Variants in ARID4B observed in about 807,000 individuals in gnomAD.
The protein encoded by ARID4B is AT-rich interaction domain 4B.
In ARID4B, 26 loss-of-function variants were observed where a neutral mutation model predicts 147.5. The observed-to-expected ratio is 0.18, with a 90% CI of 0.13 to 0.24. ARID4B has a LOEUF of 0.24. Ranked by LOEUF, ARID4B falls within the 10% of genes least tolerant of loss-of-function variation. ARID4B has a pLI of 1.00. For missense variants in ARID4B, 1,179 were observed against 1,511.5 expected, an observed-to-expected ratio of 0.78 and a Z score of 3.65; for synonymous variants, 512 against 507.9, an observed-to-expected ratio of 1.01 and a Z score of -0.11.
chr1:235,319,173 T>C (rs1261215183), intron 2 of ARID4B, among the ~76,000 whole-genome samples: 1 of 152,098 alleles, frequency 6.6e-6, no homozygotes, highest in Non-Finnish European at 1.5e-5. Flanking sequence ...AAGATAGTAG[T>C]GATGGATGCA....
intron 4 of ARID4B, among the ~76,000 whole-genome samples, chr1:235,256,283 A>G (rs1269966743): frequency 6.6e-6 from 1 of 152,114 alleles, no homozygotes; most frequent in East Asian, 1.9e-4. Flanking sequence ...ACTATTATAA[A>G]GTTTTACCCT....
chr1:235,305,564 T>A (rs1673483269), intron 2 of ARID4B, among the ~76,000 whole-genome samples: 1 of 152,236 alleles, frequency 6.6e-6, no homozygotes, highest in African/African-American at 2.4e-5. Context: ...ACTAGTGGCA[T>A]GACCTTAGTT....
chr1:235,209,904 C>T (rs1233034166), intron 17 of ARID4B, among the ~76,000 whole-genome samples: 1 of 152,074 alleles, frequency 6.6e-6, no homozygotes, highest in Non-Finnish European at 1.5e-5. Flanking sequence ...GACACTCTTA[C>T]ATTATTTGAG....
At chr1:235,173,795 T>C (rs1444361789) in intron 22 of ARID4B, among the ~76,000 whole-genome samples, 2 of 72,720 alleles carry the variant, frequency 2.8e-5, no homozygotes, top group South Asian at 5.9e-4. Context: ...TATATATATA[T>C]ATATATATAT....
chr1:235,241,837 A>G (rs1041100454), intron 7 of ARID4B, among the ~76,000 whole-genome samples: 1 of 152,106 alleles, frequency 6.6e-6, no homozygotes, highest in Admixed American at 6.5e-5. Context: ...AACTATTATA[A>G]TAATATTAAG....
chr1:235,220,046 A>T, intron 15 of ARID4B, 78 bp from the exon 16 acceptor site: 2 of 957,712 alleles, frequency 2.1e-6, no homozygotes, highest in Non-Finnish European at 2.9e-6. Flanking sequence ...TCTTAGCAAC[A>T]GGAGGTATCA....
intron 2 of ARID4B, among the ~76,000 whole-genome samples, chr1:235,292,507 T>A (rs1464076710): frequency 6.6e-6 from 1 of 151,858 alleles, no homozygotes; most frequent in African/African-American, 2.4e-5. Flanking sequence ...TCCCAGCTAC[T>A]TGGGAGGCTG....
At chr1:235,316,015 ATAAAT>A (rs142128565) in intron 2 of ARID4B, among the ~76,000 whole-genome samples, 16 of 151,606 alleles carry the variant, frequency 1.1e-4, no homozygotes, top group African/African-American at 3.2e-4. Context: ...CTCTGATCTC[ATAAAT>A]TAAATTAAAT....
At chr1:235,294,130 A>G (rs537906672) in intron 2 of ARID4B, among the ~76,000 whole-genome samples, 1 of 152,176 alleles carries the variant, frequency 6.6e-6, no homozygotes, top group South Asian at 2.1e-4. Context: ...ATAAACAAGA[A>G]CTATTTACTG....
At chr1:235,187,513 C>A (rs759057501) in intron 19 of ARID4B, among the ~76,000 whole-genome samples, 12 of 152,090 alleles carry the variant, frequency 7.9e-5, no homozygotes, top group Non-Finnish European at 1.6e-4. Flanking sequence ...TGATTCATCC[C>A]GGATCTAGTT....
rs570936049 is a variant in ARID4B at position 235,200,433 on chromosome 1, C to A, written c.1842-4318G>T. On this transcript the variant is annotated intron_variant, in intron 17 of 23. Coordinates refer to ENST00000264183, the MANE Select transcript of ARID4B (RefSeq NM_016374.6). The stretch of plus-strand genomic sequence containing the variant: ...GAGATCGCATGCCACGGTACCCTAG[C>A]CTGGGTGACAGAGCAAGACTCATCT... Among the ~76,000 whole-genome samples, 15 of 152,168 alleles carry A rather than the reference C, an allele frequency of 9.9e-5. No homozygotes were observed. The East Asian group carries it at 2.9e-3, about 29-fold the overall frequency.
chr1:235,201,328 TTC>T (rs1331568025), intron 17 of ARID4B, among the ~76,000 whole-genome samples: 4 of 151,972 alleles, frequency 2.6e-5, no homozygotes, highest in Non-Finnish European at 5.9e-5. Flanking sequence ...TACGAGAATC[TTC>T]TTTTTTTTTT....
chr1:235,267,041 C>T (rs1670650029), intron 2 of ARID4B, among the ~76,000 whole-genome samples: 1 of 152,134 alleles, frequency 6.6e-6, no homozygotes, highest in Non-Finnish European at 1.5e-5. Context: ...ACTTTGGGAG[C>T]CCGAGGTGTG....
chr1:235,234,593 A>C, intron 8 of ARID4B, 101 bp from the exon 9 acceptor site: 1 of 836,864 alleles, frequency 1.2e-6, no homozygotes, highest in Middle Eastern at 2.9e-4. Context: ...TTGAAGTTTA[A>C]AAACTAATTT....
At chr1:235,255,252 T>C (rs1225282115) in intron 5 of ARID4B, among the ~76,000 whole-genome samples, 6 of 127,264 alleles carry the variant, frequency 4.7e-5, no homozygotes, top group Non-Finnish European at 6.7e-5. Context: ...GATAGATAGA[T>C]AGATAGATAG....
intron 16 of ARID4B, among the ~76,000 whole-genome samples, chr1:235,217,881 C>T (rs962597572): frequency 1.3e-5 from 2 of 152,078 alleles, no homozygotes; most frequent in Non-Finnish European, 2.9e-5. Flanking sequence ...GTCCAAGATC[C>T]CCAGTGGATG....
rs568474227 is a variant in ARID4B at position 235,266,725 on chromosome 1, T to C, written c.7-5973A>G. Among the ~76,000 whole-genome samples the C allele has an allele frequency of 3.3e-4, 51 of 152,360 alleles. No homozygotes were observed. In the Middle Eastern group the frequency reaches 0.01, roughly 30 times the overall value. On this transcript the variant is annotated intron_variant, in intron 2 of 23. Transcript: ENST00000264183. ...CAAATGAATCAACAGTAATCTCTAA[T>C]GTGTCTCTGGGCTGCAGCACATCAA...
At chr1:235,228,222 T>G (rs546244851) in intron 11 of ARID4B, 6 of 151,760 alleles carry the variant, frequency 4.0e-5, no homozygotes, top group Non-Finnish European at 8.8e-5. Flanking sequence ...TGTAAGCATT[T>G]CATGAGGTGA....
At chr1:235,210,316 G>A (rs1666632443) in intron 17 of ARID4B, among the ~76,000 whole-genome samples, 1 of 151,890 alleles carries the variant, frequency 6.6e-6, no homozygotes, top group Admixed American at 6.6e-5. Context: ...TGCTTGTCAT[G>A]AATGACTACC....
Sources: gnomAD v4.1 joint callset for allele counts (sites outside exome capture counted in the v4.1 genomes callset) on GRCh38, gnomAD v4.1.1 for gene constraint, MANE v1.5 for transcripts, NCBI Gene and HGNC (gene_info 2026-07-23, HGNC 2026-07-21) for gene names.